ERAP1: variants seen among roughly 807,000 people sequenced by gnomAD.
ERAP1 encodes the protein endoplasmic reticulum aminopeptidase 1.
A neutral mutation model predicts 103.7 loss-of-function variants in ERAP1; 86 were observed. The observed-to-expected ratio is 0.83, with a 90% CI of 0.70 to 0.99. The LOEUF is 0.99. ERAP1 is among the 50% of genes least tolerant of loss of function. The pLI is 0.00. For synonymous variants in ERAP1, 398 were observed against 402.4 expected (o/e 0.99, Z 0.13); for missense variants, 1,009 against 1,128.4 (o/e 0.89, Z 1.52).
intron 19 of ERAP1, chr5:96,767,459 A>T: frequency 6.2e-7 from 1 of 1,612,934 alleles, no homozygotes; most frequent in Non-Finnish European, 8.5e-7. Flanking sequence ...GAAGCCACCT[A>T]CAAAGAAATC....
Position 96,806,282 on chromosome 5 carries a change from G to A in ERAP1, c.-18+1578C>T, listed in dbSNP as rs1283410417. 3.3e-5 allele frequency among the ~76,000 whole-genome samples: 5 copies of A among 151,856 alleles called. No individual in the cohort carries two copies. In the East Asian group the frequency reaches 7.7e-4, roughly 23 times the overall value. ...TTTACTAACAATTTTCTGAAAGGGA[G>A]GCAGTTAAAAAAAAAGAAAGCTCTC... On this transcript the variant is annotated intron_variant, in intron 1 of 18. Coordinates refer to ENST00000443439, the MANE Select transcript of ERAP1 (RefSeq NM_001040458.3).
intron 13 of ERAP1, chr5:96,785,119 C>T (rs983785340): frequency 6.5e-6 from 1 of 154,022 alleles, no homozygotes; most frequent in Non-Finnish European, 1.4e-5. Flanking sequence ...CCTCTTAGGA[C>T]TTTAGGTCTG....
At chr5:96,873,267 T>A in the ERAP1 span, 312 of 444,924 alleles carry the variant, frequency 7.0e-4, 3 homozygotes, top group African/African-American at 5.7e-3. Flanking sequence ...AAATTCACTG[T>A]TAACTCATTC....
the ERAP1 span, chr5:96,917,692 G>A: frequency 9.3e-7 from 1 of 1,073,272 alleles, no homozygotes; most frequent in African/African-American, 1.6e-5. Context: ...GGATCACGAG[G>A]TCAGGAGATG....
At chr5:96,874,099 G>GA in the ERAP1 span, among the ~76,000 whole-genome samples, 26 of 53,152 alleles carry the variant, frequency 4.9e-4, no homozygotes, top group East Asian at 1.7e-3. Flanking sequence ...GAAGAGAAAA[G>GA]AAAAAAAAAA....
chr5:96,849,348 T>G, the ERAP1 span, among the ~76,000 whole-genome samples: 6 of 152,194 alleles, frequency 3.9e-5, no homozygotes, highest in African/African-American at 1.4e-4. Context: ...GCTGATGACA[T>G]GATCTTATAT....
chr5:96,830,511 A>G, the ERAP1 span, among the ~76,000 whole-genome samples: 1 of 152,236 alleles, frequency 6.6e-6, no homozygotes, highest in Admixed American at 6.5e-5. Context: ...TGGAATATTC[A>G]TATGATTGGA....
downstream of ERAP1, among the ~76,000 whole-genome samples, chr5:96,771,292 A>C (rs1772217348): frequency 6.6e-6 from 1 of 152,176 alleles, no homozygotes. Flanking sequence ...CTTTATGATG[A>C]GTGGATTTAC....
At chr5:96,800,796 G>A in intron 3 of ERAP1, 66 bp downstream of exon 3, 1 of 1,559,524 alleles carries the variant, frequency 6.4e-7, no homozygotes, top group Non-Finnish European at 8.8e-7. Flanking sequence ...ACTGTCACTG[G>A]GCTAGTGCAA....
At chr5:96,826,214 A>G in the ERAP1 span, among the ~76,000 whole-genome samples, 1 of 152,238 alleles carries the variant, frequency 6.6e-6, no homozygotes, top group Non-Finnish European at 1.5e-5. Context: ...TAGCTGCAGT[A>G]CAACTAAACA....
chr5:96,803,978 G>A (rs2151002244), intron 1 of ERAP1, 35 bp from the exon 2 acceptor site: 2 of 1,593,958 alleles, frequency 1.3e-6, no homozygotes, highest in East Asian at 4.5e-5. Context: ...AAAAATATAT[G>A]TCATTAAAAT....
the ERAP1 span, chr5:96,876,635 A>G: frequency 4.6e-5 from 7 of 152,356 alleles, no homozygotes; most frequent in African/African-American, 1.7e-4. Context: ...TTGTAATCTA[A>G]GGCAAGGTTC....
At chr5:96,862,987 C>T in the ERAP1 span, among the ~76,000 whole-genome samples, 3 of 152,310 alleles carry the variant, frequency 2.0e-5, no homozygotes. Flanking sequence ...CAGGGCATAA[C>T]TGAAAGTGGC....
the ERAP1 span, chr5:96,900,387 T>C: frequency 1.2e-5 from 10 of 860,964 alleles, no homozygotes; most frequent in Non-Finnish European, 1.6e-5. Context: ...ACTATATTTT[T>C]GTTGTTATAG....
chr5:96,862,906 G>C, the ERAP1 span, among the ~76,000 whole-genome samples: 1 of 152,208 alleles, frequency 6.6e-6, no homozygotes, highest in Middle Eastern at 3.4e-3. Flanking sequence ...CCATTTTGCT[G>C]TTACTTCCTA....
At chr5:96,760,869 A>T (rs1488236851) in exon 20 of ERAP1, 3 of 151,918 alleles carry the variant, frequency 2.0e-5, no homozygotes, top group African/African-American at 7.2e-5. Flanking sequence ...ACTCAATAAA[A>T]TTATTCAATG....
At chr5:96,913,421 A>AT in the ERAP1 span, 1 of 1,614,140 alleles carries the variant, frequency 6.2e-7, no homozygotes, top group Non-Finnish European at 8.5e-7. Flanking sequence ...CTAGCATGGG[A>AT]TTTTGTAAGA....
the ERAP1 span, among the ~76,000 whole-genome samples, chr5:96,899,867 C>T: frequency 6.6e-6 from 1 of 152,054 alleles, no homozygotes; most frequent in Non-Finnish European, 1.5e-5. Flanking sequence ...TTCCTTAGAA[C>T]GGTTAATGAC....
downstream of ERAP1, chr5:96,772,505 A>C (rs1561640490): frequency 6.6e-6 from 1 of 152,606 alleles, no homozygotes; most frequent in Non-Finnish European, 1.5e-5. Flanking sequence ...CTATTAATCC[A>C]CTTTCATGTT....
Sources: allele counts gnomAD v4.1 joint callset (sites outside exome capture counted in the v4.1 genomes callset), GRCh38; gene constraint gnomAD v4.1.1; transcripts MANE v1.5; gene names NCBI Gene and HGNC (gene_info 2026-07-23, HGNC 2026-07-21).